The following CRYBG3 variants were observed in gnomAD, a reference collection of about 807,000 sequenced individuals.
CRYBG3 encodes the protein crystallin beta-gamma domain containing 3.
Under a neutral mutation model 244.2 loss-of-function variants are expected in CRYBG3, and 127 were observed. That is an observed-to-expected ratio of 0.52 (90% CI 0.45 to 0.60). The LOEUF (loss-of-function observed/expected upper bound fraction) is 0.60. Among genes scored for constraint, CRYBG3 ranks in the 20% least tolerant of loss-of-function variants. The pLI is 0.00. For synonymous variants in CRYBG3, 1,132 were observed against 1,195.8 expected (o/e 0.95, Z 1.10); for missense variants, 3,325 against 3,442.5 (o/e 0.97, Z 0.85).
Position 97,873,022 on chromosome 3 carries a change from G to C in CRYBG3, c.1828G>C (p.Glu610Gln), listed in dbSNP as rs551209800. Residue 610 changes from glutamate (E) to glutamine (Q), a missense_variant, in exon 4 of 22, where the codon GAG becomes CAG. Glu to Gln is a conservative substitution (Grantham distance 29, BLOSUM62 2). This residue lies in a region of CRYBG3 where 1,526 missense variants were observed against 1,443.2 expected (regional missense o/e 1.06). Coordinates refer to ENST00000389622, the MANE Select transcript of CRYBG3 (RefSeq NM_153605.4). ...VASLGNENAPELKFELNRSHI... is the reference protein window; with the variant it reads ...VASLGNENAPQLKFELNRSHI... ...AAGCTTAGGAAATGAAAATGCACCT[G>C]AGTTGAAATTTGAACTTAATAGAAG... 137 of 1,535,772 alleles carry C rather than the reference G, an allele frequency of 8.9e-5. 3 individuals are homozygous for C. The South Asian group carries it at 1.5e-3, about 16-fold the overall frequency.
chr3:97,866,337 G>A (rs956095850), intron 3 of CRYBG3, among the ~76,000 whole-genome samples: 1 of 152,122 alleles, frequency 6.6e-6, no homozygotes, highest in African/African-American at 2.4e-5. Flanking sequence ...AAACATTATA[G>A]GAACATATAT....
rs1448692014 is a variant in CRYBG3, at chr3:97,822,140, T to C, written c.-67T>C. On this transcript the variant is annotated 5_prime_UTR_variant, in exon 1 of 22. Transcript: ENST00000389622. Reference sequence around the variant, plus strand: ...CGCATCCCGCGGCGCCCGGTCGGGCTCCGGGCACCAGGCAACACCTAGGCC... The same window carrying C: ...CGCATCCCGCGGCGCCCGGTCGGGCCCCGGGCACCAGGCAACACCTAGGCC... The C allele has an allele frequency of 7.4e-7, 1 of 1,346,858 alleles. No individual in the cohort carries two copies. The highest frequency in any genetic ancestry group is 9.6e-7 in the Non-Finnish European group (1 of 1,041,406). 83.4% of individuals were successfully genotyped at this position (1,346,858 alleles called of 1,614,324 possible).
At chr3:97,842,205 A>G (rs1041665836) in intron 1 of CRYBG3, among the ~76,000 whole-genome samples, 1 of 152,150 alleles carries the variant, frequency 6.6e-6, no homozygotes, top group Non-Finnish European at 1.5e-5. Flanking sequence ...GAGTGAAGCT[A>G]CTTAATTTGT....
At chr3:97,909,384 C>G (rs1266727109) in intron 15 of CRYBG3, among the ~76,000 whole-genome samples, 1,713 of 149,346 alleles carry the variant, frequency 0.011, 33 homozygotes, top group African/African-American at 0.041. Flanking sequence ...TTCAGGTACA[C>G]CAATCAGACA....
At chr3:97,908,265 G>A (rs533050183) in intron 15 of CRYBG3, among the ~76,000 whole-genome samples, 112 of 152,186 alleles carry the variant, frequency 7.4e-4, no homozygotes, top group African/African-American at 2.3e-3. Flanking sequence ...TATTAGGTCC[G>A]CTTGGTGCAG....
chr3:97,824,464 TG>T (rs1468097702), intron 1 of CRYBG3, among the ~76,000 whole-genome samples: 1 of 152,186 alleles, frequency 6.6e-6, no homozygotes, highest in Non-Finnish European at 1.5e-5. Flanking sequence ...ATCCTGAAAC[TG>T]TTTTTTTGCC....
At chr3:97,856,662 A>G (rs904180667) in intron 2 of CRYBG3, among the ~76,000 whole-genome samples, 4 of 152,134 alleles carry the variant, frequency 2.6e-5, no homozygotes, top group Non-Finnish European at 5.9e-5. Context: ...AACATCCAGG[A>G]ATGTATTCAT....
chr3:97,832,243 A>G (rs902346972), intron 1 of CRYBG3, among the ~76,000 whole-genome samples: 1 of 151,412 alleles, frequency 6.6e-6, no homozygotes, highest in Non-Finnish European at 1.5e-5. Flanking sequence ...AAAAAAAAAA[A>G]AGAGCCCATA....
At position 97,873,625 on chromosome 3, in the gene CRYBG3, A is replaced by G; in HGVS notation, c.2431A>G (p.Asn811Asp). ...DSLSLEAKTANIVSKAEIDGQ... is the reference protein window; with the variant it reads ...DSLSLEAKTADIVSKAEIDGQ... The stretch of plus-strand genomic sequence containing the variant: ...TCTTTCCTTGGAAGCCAAAACTGCT[A>G]ACATTGTATCAAAAGCTGAAATTGA... Residue 811 changes from asparagine to aspartate, a missense_variant, in exon 4 of 22, where the codon AAC becomes GAC. Asn to Asp is a conservative substitution (Grantham distance 23, BLOSUM62 1). This residue lies in a region of CRYBG3 where 1,526 missense variants were observed against 1,443.2 expected (regional missense o/e 1.06). Transcript: ENST00000389622. 2.6e-6 allele frequency: 4 copies of G among 1,534,638 alleles called. No individual in the cohort carries two copies. Among genetic ancestry groups the G allele is most frequent in the Non-Finnish European group, 3.5e-6 (4 of 1,146,372 alleles).
chr3:97,830,888 C>T (rs979117138), intron 1 of CRYBG3, among the ~76,000 whole-genome samples: 3 of 152,138 alleles, frequency 2.0e-5, no homozygotes, highest in African/African-American at 4.8e-5. Flanking sequence ...TTGGCTCAAG[C>T]TCCCTGTGTG....
chr3:97,893,053 A>ATTTT, intron 11 of CRYBG3, 60 bp downstream of exon 11: 1 of 1,448,464 alleles, frequency 6.9e-7, no homozygotes, highest in Non-Finnish European at 9.4e-7. Flanking sequence ...CAGCACAAAA[A>ATTTT]TGTGCTAAGC....
Position 97,875,053 on chromosome 3 carries a change from A to G in CRYBG3, c.3859A>G (p.Asn1287Asp). 6.5e-7 allele frequency: 1 copy of G among 1,534,330 alleles called. No individual in the cohort carries two copies. ...PCVSPTVGEK[N>D]LLVDPNSMNV... ...TGTTTCACCAACAGTTGGTGAGAAGAATCTTCTTGTTGATCCTAATAGTAT... is the reference window on the plus strand; with the variant it reads ...TGTTTCACCAACAGTTGGTGAGAAGGATCTTCTTGTTGATCCTAATAGTAT... The change falls in exon 4 of 22, where the codon AAT becomes GAT. Residue 1287 changes from asparagine (N) to aspartate (D), a missense_variant. This residue lies in a region of CRYBG3 where 635 missense variants were observed against 771.7 expected (regional missense o/e 0.82). Coordinates refer to ENST00000389622, the MANE Select transcript of CRYBG3 (RefSeq NM_153605.4).
At chr3:97,844,751 A>G (rs995493177) in intron 2 of CRYBG3, among the ~76,000 whole-genome samples, 1 of 152,218 alleles carries the variant, frequency 6.6e-6, no homozygotes, top group African/African-American at 2.4e-5. Flanking sequence ...TTGTGGATTC[A>G]GTAAATATAT....
At chr3:97,862,249 A>G (rs1043690111) in intron 2 of CRYBG3, among the ~76,000 whole-genome samples, 1 of 152,172 alleles carries the variant, frequency 6.6e-6, no homozygotes, top group African/African-American at 2.4e-5. Context: ...ATTTTTGACA[A>G]AAATTACTGT....
rs1454649581 is a variant in CRYBG3 at position 97,877,244 on chromosome 3, A to T, written c.6050A>T (p.Glu2017Val). The T allele has an allele frequency of 6.2e-7, 1 of 1,613,942 alleles. No homozygotes were observed. Among genetic ancestry groups the T allele is most frequent in the South Asian group, 1.1e-5 (1 of 91,078 alleles). ...GAGGAGGACAAGTATGCTTCCGCAGAAGCAAGACAAACACAGTCTGTCTTG... is the reference window on the plus strand; with the variant it reads ...GAGGAGGACAAGTATGCTTCCGCAGTAGCAAGACAAACACAGTCTGTCTTG... ...LQEEDKYASA[E>V]ARQTQSVLFH... is the part of the protein sequence containing the mutation. Residue 2017 changes from glutamate to valine, a missense_variant, in exon 4 of 22, where the codon GAA (glutamate) becomes GTA (valine). Glu to Val is a moderately radical substitution (Grantham distance 121, BLOSUM62 -2). Coordinates refer to ENST00000389622, the MANE Select transcript of CRYBG3 (RefSeq NM_153605.4).
chr3:97,917,028 G>T (rs2039936154), intron 17 of CRYBG3, among the ~76,000 whole-genome samples: 1 of 152,066 alleles, frequency 6.6e-6, no homozygotes, highest in African/African-American at 2.4e-5. Context: ...TACTTACTTG[G>T]TGTTAACTCT....
intron 8 of CRYBG3, among the ~76,000 whole-genome samples, chr3:97,887,362 C>T (rs2039520778): frequency 6.6e-6 from 1 of 152,144 alleles, no homozygotes; most frequent in African/African-American, 2.4e-5. Context: ...CCCTCTGCTC[C>T]CTCACTGTTT....
chr3:97,933,323 G>A (rs1460250971), intron 17 of CRYBG3, among the ~76,000 whole-genome samples: 1 of 151,790 alleles, frequency 6.6e-6, no homozygotes, highest in African/African-American at 2.4e-5. Flanking sequence ...TAGAAATTAG[G>A]GTGCCATTCC....
chr3:97,833,879 C>T (rs1273016428), intron 1 of CRYBG3, among the ~76,000 whole-genome samples: 2 of 152,064 alleles, frequency 1.3e-5, no homozygotes, highest in Non-Finnish European at 2.9e-5. Context: ...TGGGCATCTG[C>T]ATCTGATGAG....
Sources: gnomAD v4.1 joint callset for allele counts (sites outside exome capture counted in the v4.1 genomes callset) on GRCh38, gnomAD v4.1.1 for gene constraint, gnomAD v4.1.1 regional missense constraint, MANE v1.5 for transcripts, NCBI Gene and HGNC (gene_info 2026-07-23, HGNC 2026-07-21) for gene names.